The following SLC15A5 variants were observed in gnomAD, a reference collection of about 807,000 sequenced individuals.
SLC15A5 encodes Peptide/histidine transporter ENSP00000340402.
SLC15A5 carries 58 observed loss-of-function variants against 56.1 expected under a neutral mutation model. The observed-to-expected ratio is 1.03, with a 90% CI of 0.84 to 1.29. The LOEUF (loss-of-function observed/expected upper bound fraction) is 1.29. SLC15A5 is among the 50% of genes most tolerant of loss of function. The probability of loss-of-function intolerance (pLI) is 0.00; values close to 1 mark genes in which losing one functional copy is unlikely to be tolerated. For synonymous variants in SLC15A5, 264 were observed against 250.5 expected (o/e 1.05, Z -0.51); for missense variants, 681 against 672.1 (o/e 1.01, Z -0.15).
chr12:16,223,114 A>G (rs1399852114), intron 6 of SLC15A5, among the ~76,000 whole-genome samples: 1 of 152,056 alleles, frequency 6.6e-6, no homozygotes, highest in Non-Finnish European at 1.5e-5. Context: ...CCTTGGTATC[A>G]TAAGTATGTG....
In SLC15A5 at chr12:16,218,842, G is replaced by T. The variant is rs1001630676; in HGVS notation, c.1352-1818C>A. On this transcript the variant is annotated intron_variant, in intron 6 of 8. Transcript: ENST00000344941. Reference sequence around the variant, plus strand: ...GCTCCTCTCGGGAATATTTACCCCTGGTTTTTTGTTTGCTTGTTTGTTTGT... The same window carrying T: ...GCTCCTCTCGGGAATATTTACCCCTTGTTTTTTGTTTGCTTGTTTGTTTGT... Among the ~76,000 whole-genome samples the T allele has an allele frequency of 2.0e-5, 3 of 152,064 alleles. No homozygotes were observed. In the South Asian group the frequency reaches 6.2e-4, roughly 32 times the overall value.
At chr12:16,234,346 C>A (rs889662748) in intron 5 of SLC15A5, among the ~76,000 whole-genome samples, 14 of 152,102 alleles carry the variant, frequency 9.2e-5, no homozygotes, top group African/African-American at 3.4e-4. Context: ...AGCACTCTTA[C>A]CTAGGTATTT....
intron 3 of SLC15A5, 146 bp downstream of exon 3, chr12:16,257,555 G>T: frequency 1.8e-6 from 1 of 541,868 alleles, no homozygotes. Flanking sequence ...AAATATTCTT[G>T]CAGACCATTG....
rs1285078241 is a variant in SLC15A5 at position 16,189,799 on chromosome 12, G to T, written c.1609C>A (p.His537Asn). The change falls in exon 9 of 9, where the codon CAT (histidine) becomes AAT (asparagine). Residue 537 changes from histidine to asparagine, a missense_variant. By Grantham distance (68) the His-to-Asn change is moderately conservative. Coordinates refer to ENST00000344941, the MANE Select transcript of SLC15A5 (RefSeq NM_001170798.1). The part of the protein sequence containing the change: ...SVSQRYCNLN[H>N]FNAQNIRGSN... ...CCACGGATGTTCTGGGCATTAAAAT[G>T]ATTTAGATTACAATATCTAAAAAAG... 1.3e-6 allele frequency: 2 copies of T among 1,506,356 alleles called. No individual in the cohort carries two copies. The highest frequency in any genetic ancestry group is 1.8e-6 in the Non-Finnish European group (2 of 1,133,910). The allele number at this position is 1,506,356 out of a possible 1,614,324, so 93.3% of individuals were successfully genotyped here.
In SLC15A5 at chr12:16,271,527, G is replaced by A. The variant is rs1404882424; in HGVS notation, c.584+1034C>T. Among the ~76,000 whole-genome samples the A allele has an allele frequency of 6.6e-6, 1 of 152,016 alleles. No homozygotes were observed. The highest frequency in any genetic ancestry group is 1.5e-5 in the Non-Finnish European group (1 of 68,000). ...TGACATTAGGACTTAATCCAAAATA[G>A]GGCTGAGTGCTTTGTAATATTAATA... On this transcript the variant is annotated intron_variant, in intron 2 of 8. Transcript: ENST00000344941. The surrounding 1 kb of genome is among the most constrained non-coding windows in gnomAD (Gnocchi z 8.0).
At chr12:16,203,260 C>T (rs1863980372) in intron 7 of SLC15A5, among the ~76,000 whole-genome samples, 1 of 151,822 alleles carries the variant, frequency 6.6e-6, no homozygotes, top group South Asian at 2.1e-4. Flanking sequence ...TACTATTTGT[C>T]AATTAAAAAT....
chr12:16,262,894 A>G (rs1317653002), intron 2 of SLC15A5, among the ~76,000 whole-genome samples: 1 of 151,764 alleles, frequency 6.6e-6, no homozygotes, highest in Non-Finnish European at 1.5e-5. Flanking sequence ...GCCTTCTCCC[A>G]TGATTGTGAG....
intron 1 of SLC15A5, among the ~76,000 whole-genome samples, 158 bp from the exon 2 acceptor site, chr12:16,272,941 T>C (rs1206744611): frequency 6.6e-6 from 1 of 152,166 alleles, no homozygotes; most frequent in Non-Finnish European, 1.5e-5. Flanking sequence ...TAGCCTGATG[T>C]TTTCCAATTG....
Position 16,202,928 on chromosome 12 carries a change from G to C in SLC15A5, c.1484-8475C>G, listed in dbSNP as rs558350646. Among the ~76,000 whole-genome samples, 53 of 152,160 alleles carry C rather than the reference G, an allele frequency of 3.5e-4. 1 individual carries two copies. In the South Asian group the frequency reaches 0.011, roughly 31 times the overall value. On this transcript the variant is annotated intron_variant, in intron 7 of 8. Coordinates refer to ENST00000344941, the MANE Select transcript of SLC15A5 (RefSeq NM_001170798.1). Reference sequence around the variant, plus strand: ...TAGGAAAGTCAAACTCACAGAAGCAGAGAGTAGAATGGTGGTATTACCAAA... The same window carrying C: ...TAGGAAAGTCAAACTCACAGAAGCACAGAGTAGAATGGTGGTATTACCAAA...
At position 16,244,803 on chromosome 12, in the gene SLC15A5, G is replaced by A. The variant is rs1006082011; in HGVS notation, c.755-3C>T. On this transcript the variant is annotated splice_polypyrimidine_tract_variant and splice_region_variant and intron_variant, in intron 3 of 8. Coordinates refer to ENST00000344941, the MANE Select transcript of SLC15A5 (RefSeq NM_001170798.1). Reference sequence around the variant, plus strand: ...AACGCCTGTCAGGAGAGAACAACCTGCAAGTAATCGGAGATATTATGTATT... The same window carrying A: ...AACGCCTGTCAGGAGAGAACAACCTACAAGTAATCGGAGATATTATGTATT... 3.9e-6 allele frequency: 6 copies of A among 1,536,674 alleles called. No individual in the cohort carries two copies. In the Admixed American group the frequency reaches 1.2e-4, roughly 30 times the overall value.
chr12:16,236,958 C>T (rs981789910), intron 5 of SLC15A5, among the ~76,000 whole-genome samples: 1 of 152,124 alleles, frequency 6.6e-6, no homozygotes, highest in Non-Finnish European at 1.5e-5. Context: ...AAAACCTGTT[C>T]AAATGACACT....
chr12:16,209,492 A>G (rs1049255844), intron 7 of SLC15A5, among the ~76,000 whole-genome samples: 2 of 152,158 alleles, frequency 1.3e-5, no homozygotes, highest in African/African-American at 4.8e-5. Flanking sequence ...TATATCTAAC[A>G]AAGACCTTTT....
chr12:16,205,178 T>A (rs1388563673), intron 7 of SLC15A5, among the ~76,000 whole-genome samples: 1 of 151,992 alleles, frequency 6.6e-6, no homozygotes, highest in East Asian at 1.9e-4. Flanking sequence ...AACATTTCAA[T>A]TTTACACTCT....
rs565937536 is a variant in SLC15A5, at chr12:16,232,240, A to G, written c.1162+7441T>C. Among the ~76,000 whole-genome samples, 284 of 152,298 alleles carry G rather than the reference A, an allele frequency of 1.9e-3. 1 individual carries two copies. The highest frequency in any genetic ancestry group is 6.7e-3 in the African/African-American group (279 of 41,570). ...ACTTCTGAAATACAAAACTCAGCAGAAAATTTGCAGGATGAAGTCAAAGAA... is the reference window on the plus strand; with the variant it reads ...ACTTCTGAAATACAAAACTCAGCAGGAAATTTGCAGGATGAAGTCAAAGAA... On this transcript the variant is annotated intron_variant, in intron 5 of 8. Transcript: ENST00000344941.
chr12:16,263,492 A>G (rs1864662742), intron 2 of SLC15A5, among the ~76,000 whole-genome samples: 1 of 152,228 alleles, frequency 6.6e-6, no homozygotes, highest in African/African-American at 2.4e-5. Flanking sequence ...AATAGAAAAG[A>G]AAATCCCATT....
At chr12:16,249,795 T>C (rs1380222292) in intron 3 of SLC15A5, among the ~76,000 whole-genome samples, 1 of 152,100 alleles carries the variant, frequency 6.6e-6, no homozygotes, top group Non-Finnish European at 1.5e-5. Flanking sequence ...AATATATGTA[T>C]ACATATGTAT....
chr12:16,251,550 C>A (rs1021301357), intron 3 of SLC15A5, among the ~76,000 whole-genome samples: 1 of 151,588 alleles, frequency 6.6e-6, no homozygotes, highest in Non-Finnish European at 1.5e-5. Context: ...GAATTGTACG[C>A]CAACAAATTA....
intron 8 of SLC15A5, among the ~76,000 whole-genome samples, chr12:16,193,579 G>C (rs1347639750): frequency 6.6e-6 from 1 of 151,884 alleles, no homozygotes; most frequent in African/African-American, 2.4e-5. Flanking sequence ...TGACTAAAGA[G>C]ATAAATGGAT....
chr12:16,256,675 C>A (rs941193499), intron 3 of SLC15A5, among the ~76,000 whole-genome samples: 1 of 151,718 alleles, frequency 6.6e-6, no homozygotes, highest in Non-Finnish European at 1.5e-5. Context: ...CTGGCTAACA[C>A]GGTGAAACCC....
Sources: allele counts gnomAD v4.1 joint callset (sites outside exome capture counted in the v4.1 genomes callset), GRCh38; gene constraint gnomAD v4.1.1; non-coding constraint Gnocchi (gnomAD v3.1); transcripts MANE v1.5; gene names NCBI Gene and HGNC (gene_info 2026-07-23, HGNC 2026-07-21).